Variants in NAALADL2 observed in about 807,000 individuals in gnomAD.
NAALADL2 encodes N-acetylated alpha-linked acidic dipeptidase like 2, also known as inactive N-acetylated-alpha-linked acidic dipeptidase-like protein 2.
Under a neutral mutation model 87.2 loss-of-function variants are expected in NAALADL2, and 76 were observed. The ratio of observed to expected loss-of-function variants is 0.87; its 90% CI spans 0.72 to 1.05. The LOEUF is 1.05. NAALADL2 is among the 50% of genes least tolerant of loss of function. NAALADL2 has a pLI of 0.00. For missense variants in NAALADL2, 1,089 were observed against 945.8 expected (o/e 1.15, Z -1.99); for synonymous variants, 354 against 331.0 (o/e 1.07, Z -0.75).
chr3:174,778,878 T>G (rs1364516929), intron 3 of NAALADL2, among the ~76,000 whole-genome samples: 1 of 152,200 alleles, frequency 6.6e-6, no homozygotes, highest in Admixed American at 6.5e-5. Flanking sequence ...CAGTCTATCA[T>G]TGATAGGCAT....
At chr3:175,380,138 A>G (rs1560462707) in intron 5 of NAALADL2, among the ~76,000 whole-genome samples, 2 of 152,126 alleles carry the variant, frequency 1.3e-5, no homozygotes, top group Non-Finnish European at 2.9e-5. Context: ...AACATGGCAC[A>G]TGTATGCATA....
intron 13 of NAALADL2, among the ~76,000 whole-genome samples, chr3:175,784,067 T>G (rs1751548691): frequency 6.7e-6 from 1 of 149,170 alleles, no homozygotes; most frequent in Non-Finnish European, 1.5e-5. Flanking sequence ...TTGATCATGG[T>G]GGATAAGCTT....
chr3:174,542,679 T>C (rs1722351709), intron 1 of NAALADL2, among the ~76,000 whole-genome samples: 1 of 152,204 alleles, frequency 6.6e-6, no homozygotes, highest in African/African-American at 2.4e-5. Flanking sequence ...TATAGCTATG[T>C]AACCAGGTAG....
intron 11 of NAALADL2, among the ~76,000 whole-genome samples, chr3:175,681,602 C>T (rs1477479245): frequency 6.6e-6 from 1 of 152,106 alleles, no homozygotes; most frequent in African/African-American, 2.4e-5. Flanking sequence ...GTTGCAAAAA[C>T]ATTTGATATT....
chr3:175,030,708 T>C (rs1185653745), intron 1 of NAALADL2, among the ~76,000 whole-genome samples: 1 of 151,986 alleles, frequency 6.6e-6, no homozygotes, highest in Non-Finnish European at 1.5e-5. Context: ...ATAAGAAAAT[T>C]AAAGAGAAAA....
intron 5 of NAALADL2, among the ~76,000 whole-genome samples, chr3:175,345,646 T>C (rs1763076153): frequency 6.6e-6 from 1 of 152,054 alleles, no homozygotes; most frequent in Non-Finnish European, 1.5e-5. Flanking sequence ...TCCCACACAG[T>C]GATCACAGTG....
intron 1 of NAALADL2, among the ~76,000 whole-genome samples, chr3:174,500,325 T>A (rs535267011): frequency 4.5e-4 from 69 of 152,288 alleles, no homozygotes; most frequent in Non-Finnish European, 8.7e-4. Context: ...TTTTTGTAAA[T>A]TCTTCTGGAT....
intron 2 of NAALADL2, among the ~76,000 whole-genome samples, chr3:175,182,399 G>GT (rs1443873499): frequency 4.0e-5 from 6 of 150,872 alleles, no homozygotes; most frequent in African/African-American, 1.2e-4. Flanking sequence ...TTGTTTATTT[G>GT]TTTTTTGACA....
intron 2 of NAALADL2, chr3:175,124,354 C>T (rs1726604518): frequency 6.6e-6 from 1 of 151,928 alleles, no homozygotes; most frequent in South Asian, 2.1e-4. Flanking sequence ...ATGTCACAAA[C>T]CCATGCACAT....
intron 2 of NAALADL2, among the ~76,000 whole-genome samples, chr3:174,623,020 A>G (rs13062322): frequency 0.43 from 65,442 of 151,976 alleles, 14,640 homozygotes; most frequent in Middle Eastern, 0.54. Context: ...ACCAGCCTGG[A>G]CGACAGAGTG....
chr3:174,981,515 AC>A (rs1745109283), intron 1 of NAALADL2, among the ~76,000 whole-genome samples: 1 of 152,210 alleles, frequency 6.6e-6, no homozygotes, highest in Non-Finnish European at 1.5e-5. Flanking sequence ...AAAAGGTGGT[AC>A]TTGGTTCTGA....
At chr3:174,538,535 C>T (rs1022446926) in intron 1 of NAALADL2, among the ~76,000 whole-genome samples, 5 of 152,118 alleles carry the variant, frequency 3.3e-5, no homozygotes, top group African/African-American at 1.2e-4. Flanking sequence ...GCAAAGCTGT[C>T]CCTAATGGGA....
At chr3:175,223,337 T>G (rs1024216795) in intron 2 of NAALADL2, among the ~76,000 whole-genome samples, 7 of 148,078 alleles carry the variant, frequency 4.7e-5, no homozygotes, top group African/African-American at 1.7e-4. Context: ...TTCTATTAGT[T>G]TGATTTTTTT....
chr3:175,453,549 A>T (rs1181430502), intron 6 of NAALADL2, among the ~76,000 whole-genome samples: 2 of 152,156 alleles, frequency 1.3e-5, no homozygotes, highest in African/African-American at 2.4e-5. Context: ...TGACTCTGTC[A>T]TGCATTTGGC....
chr3:175,120,186 G>T (rs892920485), intron 2 of NAALADL2, among the ~76,000 whole-genome samples: 10 of 151,662 alleles, frequency 6.6e-5, no homozygotes, highest in African/African-American at 1.7e-4. Context: ...TTTAAGATCA[G>T]ATAATACTTG....
At chr3:175,312,383 G>A (rs61153186) in intron 4 of NAALADL2, among the ~76,000 whole-genome samples, 5,066 of 150,994 alleles carry the variant, frequency 0.034, 247 homozygotes, top group African/African-American at 0.12. Context: ...AATCTAAAAT[G>A]TCCCAATCTA....
chr3:175,642,885 T>G (rs1166491981), intron 11 of NAALADL2, among the ~76,000 whole-genome samples: 2 of 152,196 alleles, frequency 1.3e-5, no homozygotes, highest in Non-Finnish European at 1.5e-5. Context: ...GCCTCTAGTC[T>G]ATATTTGAAA....
At chr3:174,590,306 G>C (rs1433027790) in intron 2 of NAALADL2, among the ~76,000 whole-genome samples, 1 of 151,812 alleles carries the variant, frequency 6.6e-6, no homozygotes, top group Non-Finnish European at 1.5e-5. Context: ...GAAGTACATA[G>C]CTATAACTCT....
intron 3 of NAALADL2, among the ~76,000 whole-genome samples, chr3:175,239,173 A>G (rs1746412500): frequency 6.6e-6 from 1 of 152,212 alleles, no homozygotes; most frequent in East Asian, 1.9e-4. Context: ...TTACCCCATC[A>G]TAATGACAGG....
Sources: gnomAD v4.1 joint callset for allele counts (sites outside exome capture counted in the v4.1 genomes callset) on GRCh38, gnomAD v4.1.1 for gene constraint, MANE v1.5 for transcripts, NCBI Gene and HGNC (gene_info 2026-07-23, HGNC 2026-07-21) for gene names.